Variants in PTK2 observed in about 807,000 individuals in gnomAD.
PTK2 encodes the protein focal adhesion kinase 1.
A neutral mutation model predicts 150.1 loss-of-function variants in PTK2; 45 were observed. The ratio of observed to expected loss-of-function variants is 0.30; its 90% CI spans 0.24 to 0.38. PTK2 has a LOEUF of 0.38. Among genes scored for constraint, PTK2 ranks in the 10% least tolerant of loss-of-function variants. The probability of loss-of-function intolerance (pLI) is 1.00; values close to 1 mark genes in which losing one functional copy is unlikely to be tolerated. For synonymous variants in PTK2, 432 were observed against 449.2 expected (o/e 0.96, Z 0.48); for missense variants, 919 against 1,307.3 (o/e 0.70, Z 4.58).
chr8:140,721,453 A>G (rs1215779618), intron 22 of PTK2, among the ~76,000 whole-genome samples: 1 of 152,234 alleles, frequency 6.6e-6, no homozygotes, highest in African/African-American at 2.4e-5. Flanking sequence ...CCCAGTCCTG[A>G]GAATTTACCA....
intron 14 of PTK2, among the ~76,000 whole-genome samples, chr8:140,765,418 C>CA (rs1565916371): frequency 6.6e-6 from 1 of 151,780 alleles, no homozygotes; most frequent in East Asian, 1.9e-4. Context: ...TGACTGAGAT[C>CA]AAATCTACAA....
intron 22 of PTK2, 197 bp from the exon 26 acceptor site, chr8:140,717,906 G>T: frequency 2.1e-6 from 1 of 467,112 alleles, no homozygotes; most frequent in Non-Finnish European, 3.9e-6. Flanking sequence ...GGTCCAAATG[G>T]GCAAGTCCAT....
intron 2 of PTK2, among the ~76,000 whole-genome samples, chr8:140,923,339 A>T (rs1334687422): frequency 6.6e-6 from 1 of 152,206 alleles, no homozygotes; most frequent in East Asian, 1.9e-4. Flanking sequence ...TTATCAAGCA[A>T]CTATAGCTGT....
chr8:140,967,252 A>G (rs1247760106), intron 1 of PTK2, among the ~76,000 whole-genome samples: 2 of 152,204 alleles, frequency 1.3e-5, no homozygotes, highest in Non-Finnish European at 2.9e-5. Context: ...TAATATTGTT[A>G]AAACAATAAA....
intron 27 of PTK2, among the ~76,000 whole-genome samples, chr8:140,678,373 G>T (rs781495543): frequency 1.3e-5 from 2 of 151,612 alleles, no homozygotes; most frequent in Non-Finnish European, 2.9e-5. Context: ...CTGAGACAGG[G>T]TATTACTCTG....
rs118072796 is a variant in PTK2 at position 140,912,577 on chromosome 8, C to T, written c.-33+13084G>A. Among the ~76,000 whole-genome samples the T allele has an allele frequency of 7.5e-3, 1,132 of 151,678 alleles. 58 individuals are homozygous for T. The highest frequency in any genetic ancestry group is 0.05 in the Admixed American group (759 of 15,254). On this transcript the variant is annotated intron_variant, in intron 2 of 31. Transcript: ENST00000522684. ...ACTGAATAGATGCAGAAAAAGCATT[C>T]GACAAAAATCAACACCCTCTCATAA...
At chr8:140,668,007 G>A (rs1472780984) in intron 30 of PTK2, among the ~76,000 whole-genome samples, 4 of 152,314 alleles carry the variant, frequency 2.6e-5, no homozygotes, top group African/African-American at 9.6e-5. Flanking sequence ...ATGTGTGAGT[G>A]GTAATTATTA....
At chr8:140,992,165 G>A (rs529591189) in intron 1 of PTK2, among the ~76,000 whole-genome samples, 127 of 151,952 alleles carry the variant, frequency 8.4e-4, no homozygotes, top group Non-Finnish European at 1.4e-3. Flanking sequence ...GGTGGTGTGC[G>A]CCTGTAATCA....
At chr8:140,890,686 T>C (rs1363478606) in exon 3 of PTK2, 22 of 1,614,060 alleles carry the variant, frequency 1.4e-5, no homozygotes, top group Non-Finnish European at 1.8e-5. Flanking sequence ...TGAGTCTTAG[T>C]ACTCGAATTT....
chr8:140,725,082 G>A (rs560572704), intron 22 of PTK2, among the ~76,000 whole-genome samples: 2 of 152,172 alleles, frequency 1.3e-5, no homozygotes, highest in South Asian at 4.1e-4. Context: ...GTGCTGTATC[G>A]ATCTCAAAAT....
intron 1 of PTK2, among the ~76,000 whole-genome samples, chr8:140,942,737 T>A (rs534948911): frequency 1.1e-4 from 17 of 152,190 alleles, no homozygotes; most frequent in Non-Finnish European, 2.4e-4. Flanking sequence ...TCTTGAGGCA[T>A]AACGTGCACA....
chr8:140,697,012 T>C (rs1036459241), intron 26 of PTK2, among the ~76,000 whole-genome samples: 28 of 151,976 alleles, frequency 1.8e-4, no homozygotes, highest in African/African-American at 6.5e-4. Context: ...TGCGTGACTG[T>C]AGTCCCAGCT....
At chr8:140,853,079 G>A (rs963226429) in intron 5 of PTK2, among the ~76,000 whole-genome samples, 17 of 151,986 alleles carry the variant, frequency 1.1e-4, no homozygotes, top group Non-Finnish European at 2.9e-5. Context: ...GAATAAATGA[G>A]GTCAGTCACG....
At chr8:140,753,571 G>C (rs1025589616) in intron 16 of PTK2, among the ~76,000 whole-genome samples, 3 of 152,192 alleles carry the variant, frequency 2.0e-5, no homozygotes, top group Admixed American at 6.5e-5. Context: ...AAGAGGTCAG[G>C]GACAAGAGTG....
intron 18 of PTK2, among the ~76,000 whole-genome samples, chr8:140,745,127 G>A (rs901115610): frequency 2.6e-5 from 4 of 152,080 alleles, no homozygotes; most frequent in African/African-American, 9.7e-5. Context: ...TCCAAACAAG[G>A]CTAATACACA....
intron 1 of PTK2, among the ~76,000 whole-genome samples, chr8:140,973,078 T>C (rs1470776777): frequency 2.6e-5 from 4 of 152,240 alleles, no homozygotes; most frequent in African/African-American, 9.6e-5. Context: ...TTACTGTATG[T>C]GGTTACAACA....
chr8:140,891,311 C>T (rs1468455331), intron 2 of PTK2, among the ~76,000 whole-genome samples: 1 of 151,820 alleles, frequency 6.6e-6, no homozygotes, highest in South Asian at 2.1e-4. Context: ...CAACTGAAAA[C>T]AAAACGAAAA....
At chr8:140,910,847 C>G (rs1336438420) in intron 2 of PTK2, among the ~76,000 whole-genome samples, 1 of 151,640 alleles carries the variant, frequency 6.6e-6, no homozygotes, top group African/African-American at 2.4e-5. Context: ...ACCTCCTTCC[C>G]CAACTTTCTA....
chr8:140,879,133 T>TAATATATATA (rs567250604), intron 4 of PTK2: 2 of 162,440 alleles, frequency 1.2e-5, no homozygotes, highest in African/African-American at 4.8e-5. Flanking sequence ...GATGAAAACA[T>TAATATATATA]TATATATATA....
Sources: gnomAD v4.1 joint callset for allele counts (sites outside exome capture counted in the v4.1 genomes callset) on GRCh38, gnomAD v4.1.1 for gene constraint, MANE v1.5 for transcripts, NCBI Gene and HGNC (gene_info 2026-07-23, HGNC 2026-07-21) for gene names.